HERC6: variants seen among roughly 807,000 people sequenced by gnomAD.
The protein encoded by HERC6 is HECT and RLD domain containing E3 ubiquitin protein ligase family member 6.
In HERC6, 101 loss-of-function variants were observed where a neutral mutation model predicts 114.5. The ratio of observed to expected loss-of-function variants is 0.88; its 90% confidence interval spans 0.75 to 1.04. HERC6 has a LOEUF of 1.04. Among genes scored for constraint, HERC6 ranks in the 50% least tolerant of loss-of-function variants. The pLI, the probability that HERC6 is intolerant of heterozygous loss-of-function variation, is 0.00. For synonymous variants in HERC6, 408 were observed against 436.2 expected, an observed-to-expected ratio of 0.94 and a Z score of 0.81; for missense variants, 1,133 against 1,230.9, an observed-to-expected ratio of 0.92 and a Z score of 1.19.
At chr4:88,397,960 C>T (rs1735332076) in intron 7 of HERC6, 182 bp from the exon 8 acceptor site, 6 of 535,332 alleles carry the variant, frequency 1.1e-5, no homozygotes, top group Non-Finnish European at 2.0e-5. Context: ...CAAAACTGAT[C>T]TTTTATTTCA....
intron 9 of HERC6, 142 bp downstream of exon 9, chr4:88,405,139 C>T (rs1030766640): frequency 9.1e-6 from 9 of 992,044 alleles, no homozygotes; most frequent in Non-Finnish European, 1.2e-5. Flanking sequence ...CTTAGTGTGA[C>T]TAGGTCATCA....
intron 10 of HERC6, among the ~76,000 whole-genome samples, chr4:88,407,736 A>T (rs895283057): frequency 6.6e-6 from 1 of 152,184 alleles, no homozygotes; most frequent in Non-Finnish European, 1.5e-5. Flanking sequence ...TGCATTATTT[A>T]AAAATGGTTA....
At chr4:88,379,261 A>G in intron 1 of HERC6, 141 bp downstream of exon 1, 2 of 661,334 alleles carry the variant, frequency 3.0e-6, no homozygotes, top group Non-Finnish European at 4.8e-6. Flanking sequence ...GGAGCGGCTC[A>G]GATGCTGGGC....
chr4:88,431,020 G>A, intron 16 of HERC6, 142 bp from the exon 17 acceptor site: 1 of 689,726 alleles, frequency 1.4e-6, no homozygotes, highest in Non-Finnish European at 2.4e-6. Context: ...ACTGAGGGAA[G>A]ACAGATTGCA....
At chr4:88,407,425 G>A (rs1248745663) in intron 10 of HERC6, among the ~76,000 whole-genome samples, 1 of 152,026 alleles carries the variant, frequency 6.6e-6, no homozygotes, top group East Asian at 1.9e-4. Context: ...TTTAGAGATG[G>A]GGTCTTGTGC....
At chr4:88,421,894 T>C (rs1219934322) in intron 13 of HERC6, among the ~76,000 whole-genome samples, 2 of 152,236 alleles carry the variant, frequency 1.3e-5, no homozygotes, top group African/African-American at 4.8e-5. Context: ...TTATTGCCCA[T>C]TTCTGTATCT....
chr4:88,379,787 CATATAAATATATATAAT>C (rs1334119704), intron 1 of HERC6, among the ~76,000 whole-genome samples: 1 of 52,078 alleles, frequency 1.9e-5, no homozygotes, highest in Non-Finnish European at 3.3e-5. Context: ...ATATATATAA[CATATAAATATATATAAT>C]ATATAAATAT....
chr4:88,391,823 C>G (rs1734931851), intron 4 of HERC6, among the ~76,000 whole-genome samples: 1 of 152,198 alleles, frequency 6.6e-6, no homozygotes, highest in Non-Finnish European at 1.5e-5. Flanking sequence ...TTACAGTCAG[C>G]TAACATACAG....
intron 13 of HERC6, among the ~76,000 whole-genome samples, chr4:88,418,441 G>C (rs1736713372): frequency 3.3e-5 from 5 of 152,214 alleles, no homozygotes; most frequent in Admixed American, 3.3e-4. Flanking sequence ...GGCACTCCTG[G>C]ACGGCAATAG....
chr4:88,389,537 G>A (rs1227026848), intron 3 of HERC6, among the ~76,000 whole-genome samples: 1 of 152,028 alleles, frequency 6.6e-6, no homozygotes, highest in African/African-American at 2.4e-5. Flanking sequence ...AATTTTCTGG[G>A]TCAAAGGGTG....
intron 10 of HERC6, among the ~76,000 whole-genome samples, chr4:88,406,703 T>C (rs1278779365): frequency 6.6e-6 from 1 of 152,206 alleles, no homozygotes; most frequent in Non-Finnish European, 1.5e-5. Context: ...GCCCTAATGT[T>C]ACTATAAATC....
At chr4:88,428,156 C>T (rs1284940425) in intron 15 of HERC6, among the ~76,000 whole-genome samples, 1 of 152,182 alleles carries the variant, frequency 6.6e-6, no homozygotes, top group Non-Finnish European at 1.5e-5. Flanking sequence ...TCCTACAGCT[C>T]ACATTATCCC....
At position 88,437,757 on chromosome 4, in the gene HERC6, C is replaced by A; in HGVS notation, c.2531C>A (p.Ser844Tyr). ...GTTGACTTAATTCCAAATGGGATCT[C>A]CATACCTGTGGACCAAACCAACAAG... ...NDVDLIPNGI[S>Y]IPVDQTNKRD... Residue 844 changes from serine to tyrosine, a missense_variant, in exon 20 of 23, where the codon TCC becomes TAC. Transcript: ENST00000264346. 6.2e-7 allele frequency: 1 copy of A among 1,607,824 alleles called. No individual in the cohort carries two copies. Among genetic ancestry groups the A allele is most frequent in the Non-Finnish European group, 8.5e-7 (1 of 1,176,690 alleles).
chr4:88,390,177 CAAAAA>C (rs1156777502), intron 3 of HERC6, among the ~76,000 whole-genome samples: 29 of 48,670 alleles, frequency 6.0e-4, no homozygotes, highest in African/African-American at 1.8e-3. Context: ...AACTCTGTAT[CAAAAA>C]AAAAAAAAAA....
At chr4:88,394,175 C>G (rs1459558124) in intron 5 of HERC6, among the ~76,000 whole-genome samples, 3 of 151,986 alleles carry the variant, frequency 2.0e-5, no homozygotes, top group African/African-American at 7.3e-5. Context: ...CTTTAGATAC[C>G]TACTAAATTA....
chr4:88,390,537 ATT>A, intron 3 of HERC6, 113 bp from the exon 4 acceptor site: 1 of 918,242 alleles, frequency 1.1e-6, no homozygotes, highest in East Asian at 2.7e-5. Context: ...TGAAATTTTT[ATT>A]TGTCAATTAT....
chr4:88,407,911 T>C (rs1245295068), intron 10 of HERC6, among the ~76,000 whole-genome samples: 1 of 152,082 alleles, frequency 6.6e-6, no homozygotes, highest in Admixed American at 6.5e-5. Context: ...GGTCTTTCAA[T>C]ATGAGAGGGA....
chr4:88,424,203 G>A (rs1737357628), intron 14 of HERC6, among the ~76,000 whole-genome samples: 1 of 152,066 alleles, frequency 6.6e-6, no homozygotes. Context: ...ACAGATTTCT[G>A]AGGCCAGGTG....
chr4:88,381,404 G>C (rs1734310565), intron 1 of HERC6, among the ~76,000 whole-genome samples: 1 of 152,116 alleles, frequency 6.6e-6, no homozygotes, highest in Admixed American at 6.6e-5. Flanking sequence ...ACAAAGAAAA[G>C]GGGGTTTGGA....
Sources: gnomAD v4.1 joint callset for allele counts (sites outside exome capture counted in the v4.1 genomes callset) on GRCh38, gnomAD v4.1.1 for gene constraint, MANE v1.5 for transcripts, NCBI Gene and HGNC (gene_info 2026-07-23, HGNC 2026-07-21) for gene names.